MACROD2: variants seen among roughly 807,000 people sequenced by gnomAD.
MACROD2 encodes mono-ADP ribosylhydrolase 2, also known as ADP-ribose glycohydrolase MACROD2.
MACROD2 carries 36 observed loss-of-function variants against 70.4 expected under a neutral mutation model. The ratio of observed to expected loss-of-function variants is 0.51; its 90% CI spans 0.39 to 0.68. The LOEUF (loss-of-function observed/expected upper bound fraction) is 0.68. Ranked by LOEUF, MACROD2 falls within the 30% of genes least tolerant of loss-of-function variation. The pLI is 0.00. For synonymous variants in MACROD2, 172 were observed against 178.8 expected (o/e 0.96, Z 0.30); for missense variants, 496 against 538.4 (o/e 0.92, Z 0.78).
At chr20:15,842,844 G>A (rs769585462) in intron 8 of MACROD2, among the ~76,000 whole-genome samples, 5 of 152,078 alleles carry the variant, frequency 3.3e-5, no homozygotes, top group Non-Finnish European at 1.5e-5. Context: ...GCCCTGGGGG[G>A]TTGTGTCGTC....
chr20:14,240,309 A>G (rs569611640), intron 3 of MACROD2, among the ~76,000 whole-genome samples: 100 of 152,362 alleles, frequency 6.6e-4, no homozygotes, highest in Non-Finnish European at 1.2e-3. Flanking sequence ...AAACAGAACT[A>G]TGATTCAACT....
At chr20:15,017,027 C>G (rs2075127053) in intron 5 of MACROD2, among the ~76,000 whole-genome samples, 1 of 152,142 alleles carries the variant, frequency 6.6e-6, no homozygotes, top group African/African-American at 2.4e-5. Context: ...CCTCACATTT[C>G]AAAACCAATC....
intron 5 of MACROD2, among the ~76,000 whole-genome samples, chr20:14,872,604 G>A (rs1445229664): frequency 6.6e-6 from 1 of 152,058 alleles, no homozygotes; most frequent in Non-Finnish European, 1.5e-5. Flanking sequence ...TAAAATGAGG[G>A]TAAGTGCATC....
chr20:14,662,228 C>T lies in MACROD2; in HGVS notation c.302-22615C>T, dbSNP rs73260873. Among the ~76,000 whole-genome samples the T allele has an allele frequency of 1.6e-3, 245 of 152,226 alleles. 1 individual carries two copies. The highest frequency in any genetic ancestry group is 5.5e-3 in the African/African-American group (227 of 41,568). On this transcript the variant is annotated intron_variant, in intron 4 of 17. Transcript: ENST00000684519. ...TGATCTTCAACAAACCTGACAATAA[C>T]ACACAGTAGGGAAAGAATTTATTTA... is the stretch of plus-strand genomic sequence containing the variant.
At chr20:14,971,072 A>G (rs2074686458) in intron 5 of MACROD2, among the ~76,000 whole-genome samples, 1 of 152,198 alleles carries the variant, frequency 6.6e-6, no homozygotes, top group Middle Eastern at 3.2e-3. Context: ...TAGTATTTGC[A>G]TATAACTTAC....
Position 14,592,375 on chromosome 20 carries a change from A to G in MACROD2, c.302-92468A>G, listed in dbSNP as rs183117093. On this transcript the variant is annotated intron_variant, in intron 4 of 17. Coordinates refer to ENST00000684519, the MANE Select transcript of MACROD2 (RefSeq NM_001351661.2). ...CATTTGATTTGGTCCGCTAGAAGAAAGGAACATTATTGCAAAGAGGAAATG... is the reference window on the plus strand; with the variant it reads ...CATTTGATTTGGTCCGCTAGAAGAAGGGAACATTATTGCAAAGAGGAAATG... Among the ~76,000 whole-genome samples the G allele has an allele frequency of 2.6e-3, 390 of 152,310 alleles. 2 individuals are homozygous for G. Among genetic ancestry groups the G allele is most frequent in the Non-Finnish European group, 4.5e-3 (308 of 68,022 alleles).
intron 2 of MACROD2, among the ~76,000 whole-genome samples, chr20:14,064,307 C>T (rs1601176933): frequency 6.6e-6 from 1 of 152,240 alleles, no homozygotes; most frequent in African/African-American, 2.4e-5. Flanking sequence ...CACCCAGGGC[C>T]ACTACCACAT....
At chr20:14,116,900 C>G (rs2054521192) in intron 3 of MACROD2, among the ~76,000 whole-genome samples, 1 of 152,040 alleles carries the variant, frequency 6.6e-6, no homozygotes. Context: ...AACCCCGTCT[C>G]TACTAAAAAT....
At chr20:15,215,434 T>TAA (rs1460744680) in intron 5 of MACROD2, among the ~76,000 whole-genome samples, 1 of 152,108 alleles carries the variant, frequency 6.6e-6, no homozygotes, top group Non-Finnish European at 1.5e-5. Flanking sequence ...CATTCCTTGT[T>TAA]AAAATATCTA....
At chr20:15,510,812 G>T (rs181400408) in intron 8 of MACROD2, among the ~76,000 whole-genome samples, 2 of 152,202 alleles carry the variant, frequency 1.3e-5, no homozygotes, top group East Asian at 3.8e-4. Context: ...GTGACAGAAG[G>T]GCTGGCTAAC....
intron 7 of MACROD2, among the ~76,000 whole-genome samples, chr20:15,453,222 T>G (rs2046668057): frequency 6.6e-6 from 1 of 151,766 alleles, no homozygotes; most frequent in Non-Finnish European, 1.5e-5. Flanking sequence ...CCCCTTTCTC[T>G]CTCTCTCTCC....
chr20:14,432,131 A>G (rs2084001477), intron 3 of MACROD2, among the ~76,000 whole-genome samples: 1 of 152,172 alleles, frequency 6.6e-6, no homozygotes, highest in Non-Finnish European at 1.5e-5. Context: ...AGGGCCTTCT[A>G]TGATGTGCTC....
chr20:14,478,875 G>GGGGCTCCCA (rs2084629167), intron 3 of MACROD2, among the ~76,000 whole-genome samples: 1 of 152,022 alleles, frequency 6.6e-6, no homozygotes, highest in African/African-American at 2.4e-5. Flanking sequence ...TGGTGCTGGT[G>GGGGCTCCCA]GGGCTCCCAG....
At chr20:15,050,726 G>A (rs369467382) in intron 5 of MACROD2, among the ~76,000 whole-genome samples, 16 of 150,584 alleles carry the variant, frequency 1.1e-4, no homozygotes, top group African/African-American at 3.9e-4. Context: ...GCTTGCTCTA[G>A]AGAGTGTTTT....
At chr20:14,028,232 C>G (rs773486224) in intron 2 of MACROD2, among the ~76,000 whole-genome samples, 2 of 152,186 alleles carry the variant, frequency 1.3e-5, no homozygotes, top group Non-Finnish European at 2.9e-5. Context: ...GCTGCCTCCT[C>G]AAGCCTCAGT....
intron 3 of MACROD2, among the ~76,000 whole-genome samples, chr20:14,484,349 A>T (rs1284732193): frequency 6.6e-6 from 1 of 152,062 alleles, no homozygotes. Flanking sequence ...AGTACATGAG[A>T]TTATTTGATA....
chr20:14,201,085 G>T (rs1430056438), intron 3 of MACROD2, among the ~76,000 whole-genome samples: 1 of 151,798 alleles, frequency 6.6e-6, no homozygotes, highest in African/African-American at 2.4e-5. Context: ...TCATTTATGA[G>T]ATTAATGCTA....
chr20:15,830,548 G>T (rs1460567876), intron 8 of MACROD2, among the ~76,000 whole-genome samples: 1 of 152,190 alleles, frequency 6.6e-6, no homozygotes, highest in Non-Finnish European at 1.5e-5. Flanking sequence ...AAACGACACA[G>T]AATGAGGAGC....
chr20:14,249,128 G>GTCTTTTTTTTTTTT (rs1555773444), intron 3 of MACROD2, among the ~76,000 whole-genome samples: 1 of 103,078 alleles, frequency 9.7e-6, no homozygotes, highest in Non-Finnish European at 1.9e-5. Flanking sequence ...GATTTCAAAG[G>GTCTTTTTTTTTTTT]TTTTTTTTTT....
Sources: gnomAD v4.1 joint callset for allele counts (sites outside exome capture counted in the v4.1 genomes callset) on GRCh38, gnomAD v4.1.1 for gene constraint, MANE v1.5 for transcripts, NCBI Gene and HGNC (gene_info 2026-07-23, HGNC 2026-07-21) for gene names.